The following H2BC18 variants were observed in gnomAD, a reference collection of about 807,000 sequenced individuals.
The protein encoded by H2BC18 is histone H2B type 2-F.
Under a neutral mutation model 6.3 loss-of-function variants are expected in H2BC18, and 8 were observed. That is an observed-to-expected ratio of 1.28 (90% confidence interval 0.75 to 2.31). The LOEUF is 2.31. Among genes scored for constraint, H2BC18 ranks in the 30% most tolerant of loss-of-function variants. H2BC18 has a pLI of 0.00. For missense variants in H2BC18, 106 were observed against 174.5 expected (o/e 0.61, Z 2.21); for synonymous variants, 104 against 78.1 (o/e 1.33, Z -1.75).
chr1:149,804,828 G>C (rs605250), intron 1 of H2BC18, among the ~76,000 whole-genome samples: 1 of 101,026 alleles, frequency 9.9e-6, no homozygotes, highest in African/African-American at 3.7e-5. Context: ...CAGTCCTTAC[G>C]TGGGGAAGCT....
At chr1:149,786,738 G>C (rs1227453499) in intron 1 of H2BC18, 2 of 152,140 alleles carry the variant, frequency 1.3e-5, no homozygotes, top group Non-Finnish European at 2.9e-5. Context: ...TACCATTTAA[G>C]TTTAAAAACT....
intron 1 of H2BC18, chr1:149,793,260 C>T (rs1170462657): frequency 4.0e-6 from 5 of 1,244,922 alleles, no homozygotes; most frequent in East Asian, 7.3e-5. Flanking sequence ...AGGGAGGGAG[C>T]GGGTGGGGAG....
intron 1 of H2BC18, among the ~76,000 whole-genome samples, chr1:149,795,772 C>G (rs2091793718): frequency 1.3e-5 from 2 of 150,882 alleles, no homozygotes; most frequent in Admixed American, 1.3e-4. Context: ...TATAAAAACC[C>G]CACTCTGTCT....
chr1:149,807,511 C>G (rs185779552), downstream of H2BC18, among the ~76,000 whole-genome samples: 3 of 7,916 alleles, frequency 3.8e-4, no homozygotes, highest in East Asian at 9.8e-3. Flanking sequence ...AAAGGCATGG[C>G]GGGGGGGGGG....
intron 1 of H2BC18, chr1:149,805,565 A>G (rs2091909673): frequency 6.6e-6 from 1 of 152,120 alleles, no homozygotes; most frequent in Non-Finnish European, 1.5e-5. Context: ...CCTAATTTAG[A>G]GGGCAAAAGA....
intron 1 of H2BC18, among the ~76,000 whole-genome samples, chr1:149,797,431 T>C (rs1360602988): frequency 6.6e-6 from 1 of 152,218 alleles, no homozygotes; most frequent in African/African-American, 2.4e-5. Context: ...GCTTTTTCAA[T>C]AGTAAGTTTA....
At chr1:149,796,470 C>T (rs587760621) in intron 1 of H2BC18, among the ~76,000 whole-genome samples, 2,415 of 152,250 alleles carry the variant, frequency 0.016, 25 homozygotes, top group Non-Finnish European at 0.024. Flanking sequence ...GACTTCAAGG[C>T]CCAGTTCTTC....
intron 1 of H2BC18, chr1:149,788,546 A>G (rs1553751172): frequency 1.9e-6 from 3 of 1,613,842 alleles, no homozygotes; most frequent in East Asian, 2.2e-5. Context: ...ATAAGTCACA[A>G]TGGCACCTAC....
intron 1 of H2BC18, chr1:149,803,550 A>T (rs1280073886): frequency 6.6e-6 from 1 of 152,034 alleles, no homozygotes; most frequent in African/African-American, 2.4e-5. Flanking sequence ...TTCTGTCTCA[A>T]TATCCAATCA....
intron 1 of H2BC18, chr1:149,804,020 C>T (rs1443768045): frequency 1.3e-5 from 2 of 152,166 alleles, no homozygotes; most frequent in Non-Finnish European, 2.9e-5. Context: ...ATGACTCCAC[C>T]AACCCCATTT....
chr1:149,802,371 C>A (rs1253537405), intron 1 of H2BC18, among the ~76,000 whole-genome samples: 28 of 152,056 alleles, frequency 1.8e-4, no homozygotes, highest in Non-Finnish European at 3.7e-4. Context: ...GCATACCTTT[C>A]TCCTGCTCAT....
chr1:149,810,773 A>G (rs1419321363), downstream of H2BC18: 1 of 152,212 alleles, frequency 6.6e-6, no homozygotes, highest in African/African-American at 2.4e-5. Flanking sequence ...AAAGACTGTG[A>G]CACACCCACA....
chr1:149,789,401 A>G (rs1452766295), intron 1 of H2BC18, among the ~76,000 whole-genome samples: 5 of 150,178 alleles, frequency 3.3e-5, no homozygotes, highest in Non-Finnish European at 7.4e-5. Context: ...TCAAATAATA[A>G]TAATAATAAT....
intron 1 of H2BC18, among the ~76,000 whole-genome samples, chr1:149,785,407 CGTT>C (rs1208164441): frequency 0.022 from 1,627 of 74,500 alleles, 100 homozygotes; most frequent in African/African-American, 0.068. Flanking sequence ...AGAGCTGTTT[CGTT>C]TTTTTTTTTT....
intron 1 of H2BC18, chr1:149,792,695 G>A: frequency 1.6e-6 from 2 of 1,282,190 alleles, no homozygotes; most frequent in Non-Finnish European, 1.0e-6. Context: ...CCCAGCTGCG[G>A]CGAAAGCTGT....
rs782010229 is a variant in H2BC18, at chr1:149,812,056, T to C, written c.268A>G (p.Ile90Val). The change falls in exon 1 of 1, where the codon ATC becomes GTC. Residue 90 changes from isoleucine to valine, a missense_variant. This residue lies in a region of H2BC18 where 35 missense variants were observed against 72.3 expected (regional missense o/e 0.48). Coordinates refer to ENST00000369167, the MANE Select transcript of H2BC18 (RefSeq NM_001024599.5). The stretch of plus-strand genomic sequence containing the variant: ...GCCGTCTGGATCTCGCGGGATGTGA[T>C]GGTGGAGCGCTTGTTGTAGTGCGCC... ...RLAHYNKRST[I>V]TSREIQTAVR... is the part of the protein sequence containing the mutation. The C allele has an allele frequency of 3.7e-6, 6 of 1,614,136 alleles. No homozygotes were observed. In the East Asian group the frequency reaches 6.7e-5, roughly 18 times the overall value.
intron 1 of H2BC18, chr1:149,792,317 G>A (rs587752358): frequency 6.6e-6 from 2 of 302,762 alleles, no homozygotes; most frequent in Non-Finnish European, 1.1e-5. Flanking sequence ...ATAGAGTCCA[G>A]ATCTTGCCTC....
At position 149,792,677 on chromosome 1, in the gene H2BC18, C is replaced by A. The variant is rs1313558041; in HGVS notation, c.378-9417G>T. 1.5e-5 allele frequency: 19 copies of A among 1,279,966 alleles called. No individual in the cohort carries two copies. In the African/African-American group the frequency reaches 2.8e-4, roughly 19 times the overall value. 79.3% of individuals were successfully genotyped at this position (1,279,966 alleles called of 1,614,324 possible). A position where few individuals can be genotyped will look rare whatever the true frequency, so the allele number is the denominator to read the frequency against. ...TATCTGGGGGCCGCAGCCGCCAGCG[C>A]CCGGGGACCCAGCTGCGGCGAAAGC... is the stretch of plus-strand genomic sequence containing the variant. On this transcript the variant is annotated intron_variant, in intron 1 of 1. Coordinates refer to the H2BC18 transcript ENST00000545683.
chr1:149,788,146 G>A (rs1294893407), intron 1 of H2BC18: 1 of 682,560 alleles, frequency 1.5e-6, no homozygotes, highest in African/African-American at 1.8e-5. Context: ...GATCTGGAAA[G>A]GGAAGATAAG....
Sources: gnomAD v4.1 joint callset for allele counts (sites outside exome capture counted in the v4.1 genomes callset) on GRCh38, gnomAD v4.1.1 for gene constraint, gnomAD v4.1.1 regional missense constraint, MANE v1.5 for transcripts, NCBI Gene and HGNC (gene_info 2026-07-23, HGNC 2026-07-21) for gene names.